The following FILIP1 variants were observed in gnomAD, a reference collection of about 807,000 sequenced individuals.
FILIP1 encodes filamin-A-interacting protein 1.
A neutral mutation model predicts 102.1 loss-of-function variants in FILIP1; 61 were observed. The observed-to-expected ratio is 0.60, with a 90% CI of 0.49 to 0.74. The LOEUF (loss-of-function observed/expected upper bound fraction) is 0.74. Ranked by LOEUF, FILIP1 falls within the 30% of genes least tolerant of loss-of-function variation. FILIP1 has a pLI of 0.00. For synonymous variants in FILIP1, 491 were observed against 526.9 expected (o/e 0.93, Z 0.93); for missense variants, 1,314 against 1,441.2 (o/e 0.91, Z 1.43).
rs1401904292 is a variant in FILIP1, at chr6:75,314,840, A to C, written c.992T>G (p.Leu331Arg). ...GGTTAAGCCAACCAGCTTGAGTCTA[A>C]GTTGCCTATTGTGAGACTCTTGATT... is the stretch of plus-strand genomic sequence containing the variant. ...LANQESHNRQ[L>R]RLKLVGLTQR... is the part of the protein sequence containing the mutation. Residue 331 changes from leucine (L) to arginine (R), a missense_variant, in exon 5 of 6, where the codon CTT becomes CGT. Coordinates refer to ENST00000237172, the MANE Select transcript of FILIP1 (RefSeq NM_015687.5). The C allele has an allele frequency of 6.2e-7, 1 of 1,614,090 alleles. No homozygotes were observed. Among genetic ancestry groups the C allele is most frequent in the South Asian group, 1.1e-5 (1 of 91,064 alleles).
Position 75,312,954 on chromosome 6 carries a change from C to G in FILIP1, c.2878G>C (p.Val960Leu), listed in dbSNP as rs538214169. The G allele has an allele frequency of 3.1e-6, 5 of 1,614,024 alleles. No homozygotes were observed. The African/African-American group carries it at 6.7e-5, about 22-fold the overall frequency. Residue 960 changes from valine to leucine, a missense_variant, in exon 5 of 6, where the codon GTT becomes CTT. Val to Leu is a conservative substitution (Grantham distance 32, BLOSUM62 1). Around this residue, in one of 3 missense-constraint regions of FILIP1, gnomAD observed 816 missense variants for 913.1 expected, o/e 0.89. Transcript: ENST00000237172. ...PRITIIPSPN[V>L]MPQKQKSGDT... is the part of the protein sequence containing the mutation. ...CCACTTTTTTGTTTTTGAGGCATAA[C>G]GTTTGGTGATGGAATAATGGTTATT...
chr6:75,375,220 G>T (rs571391738), intron 2 of FILIP1, among the ~76,000 whole-genome samples: 1 of 152,342 alleles, frequency 6.6e-6, no homozygotes, highest in Non-Finnish European at 1.5e-5. Flanking sequence ...TAGAGGAATT[G>T]GTAAATTAGA....
chr6:75,410,608 T>G (rs1478116955), intron 2 of FILIP1, among the ~76,000 whole-genome samples: 1 of 152,098 alleles, frequency 6.6e-6, no homozygotes, highest in Admixed American at 6.6e-5. Context: ...CCCATATGTT[T>G]TCATTGTTCA....
chr6:75,436,327 G>A (rs1224517486), intron 1 of FILIP1, among the ~76,000 whole-genome samples: 2 of 150,810 alleles, frequency 1.3e-5, no homozygotes, highest in Admixed American at 6.6e-5. Flanking sequence ...CCAAGATTGC[G>A]CCACTCCAGC....
chr6:75,469,495 A>G (rs756231307), intron 1 of FILIP1, among the ~76,000 whole-genome samples: 11 of 152,070 alleles, frequency 7.2e-5, no homozygotes, highest in Non-Finnish European at 1.5e-4. Flanking sequence ...ACAGAATTTC[A>G]TAGGCAACTC....
At chr6:75,400,900 T>C (rs1582449658) in intron 2 of FILIP1, among the ~76,000 whole-genome samples, 1 of 152,092 alleles carries the variant, frequency 6.6e-6, no homozygotes, top group African/African-American at 2.4e-5. Context: ...CTCAATCTTA[T>C]AGGTAAAATA....
At position 75,353,664 on chromosome 6, in the gene FILIP1, C is replaced by A; in HGVS notation, c.504G>T (p.Gln168His). The change falls in exon 4 of 6, where the codon CAG becomes CAT. Residue 168 changes from glutamine to histidine, a missense_variant. Gln to His is a conservative substitution (Grantham distance 24). Coordinates refer to ENST00000237172, the MANE Select transcript of FILIP1 (RefSeq NM_015687.5). Reference protein sequence around the residue: ...QKETYRRMLEQLLLAEKCHRR... With the variant: ...QKETYRRMLEHLLLAEKCHRR... ...TATGACACTTCTCGGCCAGCAACAG[C>A]TGCTCTAGCATGCGCCGGTAGGTTT... 6.2e-7 allele frequency: 1 copy of A among 1,614,156 alleles called. No homozygotes were observed. Among genetic ancestry groups the A allele is most frequent in the Non-Finnish European group, 8.5e-7 (1 of 1,180,040 alleles).
chr6:75,459,903 G>A (rs1404488879), intron 1 of FILIP1, among the ~76,000 whole-genome samples: 1 of 152,136 alleles, frequency 6.6e-6, no homozygotes, highest in African/African-American at 2.4e-5. Context: ...TAATCTCTTT[G>A]AGTGAGTTAA....
chr6:75,465,886 T>C (rs1779148471), intron 1 of FILIP1, among the ~76,000 whole-genome samples: 1 of 152,228 alleles, frequency 6.6e-6, no homozygotes, highest in East Asian at 1.9e-4. Context: ...AAGACTCTGC[T>C]TGTTGTCCCC....
chr6:75,488,214 T>A (rs1779849389), intron 1 of FILIP1, among the ~76,000 whole-genome samples: 1 of 152,112 alleles, frequency 6.6e-6, no homozygotes, highest in Non-Finnish European at 1.5e-5. Flanking sequence ...CTGGTTTATG[T>A]TGTATTACTT....
At chr6:75,361,341 GA>G (rs1490265965) in intron 3 of FILIP1, among the ~76,000 whole-genome samples, 1 of 152,208 alleles carries the variant, frequency 6.6e-6, no homozygotes, top group African/African-American at 2.4e-5. Flanking sequence ...ATGCTCTGCA[GA>G]CGCACCTCTC....
At chr6:75,343,492 C>T (rs1280917121) in intron 4 of FILIP1, among the ~76,000 whole-genome samples, 2 of 152,184 alleles carry the variant, frequency 1.3e-5, no homozygotes, top group Admixed American at 6.5e-5. Flanking sequence ...CCCCCTCCTA[C>T]AGCATAAACT....
chr6:75,348,307 G>A (rs1268167909), intron 4 of FILIP1, among the ~76,000 whole-genome samples: 1 of 152,172 alleles, frequency 6.6e-6, no homozygotes, highest in African/African-American at 2.4e-5. Context: ...AAATATGGAC[G>A]AAACCAAATA....
chr6:75,476,696 A>C (rs1779483535), intron 1 of FILIP1, among the ~76,000 whole-genome samples: 1 of 152,136 alleles, frequency 6.6e-6, no homozygotes, highest in Non-Finnish European at 1.5e-5. Context: ...TATAATGAAG[A>C]TTCTGGCCTT....
chr6:75,476,240 C>CAA (rs66500271), intron 1 of FILIP1, among the ~76,000 whole-genome samples: 2 of 122,700 alleles, frequency 1.6e-5, no homozygotes, highest in Non-Finnish European at 1.7e-5. Context: ...GACTCCATCT[C>CAA]AAAAAAAAAA....
At chr6:75,301,046 C>G (rs1772824152) in intron 6 of FILIP1, among the ~76,000 whole-genome samples, 1 of 152,146 alleles carries the variant, frequency 6.6e-6, no homozygotes, top group Non-Finnish European at 1.5e-5. Context: ...AGTATTTGAG[C>G]AAAGCATGCT....
chr6:75,417,122 A>T (rs1777296014), intron 1 of FILIP1, among the ~76,000 whole-genome samples: 1 of 152,158 alleles, frequency 6.6e-6, no homozygotes, highest in African/African-American at 2.4e-5. Context: ...TGAAAGCTTT[A>T]GTCTCCTATT....
At chr6:75,363,109 G>A in intron 2 of FILIP1, 192 bp from the exon 3 acceptor site, 1 of 499,914 alleles carries the variant, frequency 2.0e-6, no homozygotes, top group Admixed American at 3.3e-5. Context: ...GCTTCAGGTT[G>A]CTAGGAAGCA....
At chr6:75,444,138 G>C in intron 1 of FILIP1, among the ~76,000 whole-genome samples, 1 of 152,146 alleles carries the variant, frequency 6.6e-6, no homozygotes, top group East Asian at 1.9e-4. Flanking sequence ...CTCTTTCAAA[G>C]GCAGCATTGA....
Sources: gnomAD v4.1 joint callset for allele counts (sites outside exome capture counted in the v4.1 genomes callset) on GRCh38, gnomAD v4.1.1 for gene constraint, gnomAD v4.1.1 regional missense constraint, MANE v1.5 for transcripts, NCBI Gene and HGNC (gene_info 2026-07-23, HGNC 2026-07-21) for gene names.